Variants in ABCA4 observed in about 807,000 individuals in gnomAD.
The protein encoded by ABCA4 is retinal-specific phospholipid-transporting ATPase ABCA4.
Under a neutral mutation model 263.7 loss-of-function variants are expected in ABCA4, and 196 were observed. The observed-to-expected ratio is 0.74, with a 90% CI of 0.66 to 0.84. ABCA4 has a LOEUF of 0.84. Ranked by LOEUF, ABCA4 falls within the 40% of genes least tolerant of loss-of-function variation. ABCA4 has a pLI of 0.00. For missense variants in ABCA4, 2,792 were observed against 2,855.1 expected (o/e 0.98, Z 0.50); for synonymous variants, 1,133 against 1,094.2 (o/e 1.04, Z -0.70).
chr1:94,019,033 T>G (rs922575096), intron 36 of ABCA4, among the ~76,000 whole-genome samples: 11 of 146,774 alleles, frequency 7.5e-5, no homozygotes, highest in Admixed American at 1.4e-4. Flanking sequence ...TTTTTTTTTT[T>G]TTTTTTTTTT....
chr1:94,078,439 C>T (rs1661594790), intron 10 of ABCA4, 151 bp downstream of exon 10: 1 of 651,740 alleles, frequency 1.5e-6, no homozygotes, highest in Non-Finnish European at 2.7e-6. Context: ...TTGGTGACTG[C>T]TTGGAATGAA....
rs1453981156 is a variant in ABCA4 at position 94,078,687 on chromosome 1, T to C, written c.1259A>G (p.Glu420Gly). 1 of 1,613,774 alleles carries C rather than the reference T, an allele frequency of 6.2e-7. No homozygotes were observed. Among genetic ancestry groups the C allele is most frequent in the Non-Finnish European group, 8.5e-7 (1 of 1,179,774 alleles). Reference protein sequence around the residue: ...ILKNANSTFEELEHVRKLVKA... With the variant: ...ILKNANSTFEGLEHVRKLVKA... Reference sequence around the variant, plus strand: ...GACCAACTTCCTAACGTGTTCCAGTTCTTCAAAAGTTGAGTTGGCCTAAAA... The same window carrying C: ...GACCAACTTCCTAACGTGTTCCAGTCCTTCAAAAGTTGAGTTGGCCTAAAA... The change falls in exon 10 of 50, where the codon GAA (glutamate) becomes GGA (glycine). Residue 420 changes from glutamate (E) to glycine (G), a missense_variant. Coordinates refer to ENST00000370225, the MANE Select transcript of ABCA4 (RefSeq NM_000350.3).
intron 1 of ABCA4, among the ~76,000 whole-genome samples, chr1:94,115,969 G>T (rs1465441950): frequency 6.6e-6 from 1 of 152,118 alleles, no homozygotes; most frequent in Non-Finnish European, 1.5e-5. Flanking sequence ...TCAGGGAGGG[G>T]ACCAGCCAGC....
chr1:94,080,552 T>C lies in ABCA4; in HGVS notation c.1025A>G (p.Asp342Gly). Reference sequence around the variant, plus strand: ...CCCCAGAAAGGCCTTATAGTTATTGTCTTCATACCAGTTGAAGGAGAGCAC... The same window carrying C: ...CCCCAGAAAGGCCTTATAGTTATTGCCTTCATACCAGTTGAAGGAGAGCAC... ...SRVLSFNWYE[D>G]NNYKAFLGID... is the part of the protein sequence containing the mutation. The change falls in exon 8 of 50, where the codon GAC becomes GGC. Residue 342 changes from aspartate (D) to glycine (G), a missense_variant. Coordinates refer to ENST00000370225, the MANE Select transcript of ABCA4 (RefSeq NM_000350.3). The C allele has an allele frequency of 6.2e-7, 1 of 1,614,158 alleles. No individual in the cohort carries two copies. Among genetic ancestry groups the C allele is most frequent in the Non-Finnish European group, 8.5e-7 (1 of 1,180,014 alleles).
chr1:94,019,482 C>A, intron 36 of ABCA4, 100 bp downstream of exon 36: 2 of 1,368,654 alleles, frequency 1.5e-6, no homozygotes, highest in South Asian at 2.8e-5. Flanking sequence ...AGCCCTGGCA[C>A]CGTGAGAACC....
chr1:94,011,448 G>A, intron 38 of ABCA4, 63 bp from the exon 39 acceptor site: 1 of 1,610,252 alleles, frequency 6.2e-7, no homozygotes, highest in Non-Finnish European at 8.5e-7. Context: ...TCTTCAGCAG[G>A]TGGGGCCCAG....
intron 5 of ABCA4, among the ~76,000 whole-genome samples, chr1:94,100,824 T>G (rs1662266590): frequency 6.6e-6 from 1 of 152,174 alleles, no homozygotes; most frequent in Admixed American, 6.5e-5. Context: ...GCTCCCATGT[T>G]GGACAGCGCC....
At chr1:94,030,818 C>G (rs1003085859) in intron 28 of ABCA4, among the ~76,000 whole-genome samples, 178 bp downstream of exon 28, 2 of 152,136 alleles carry the variant, frequency 1.3e-5, no homozygotes, top group Non-Finnish European at 2.9e-5. Flanking sequence ...CCACTAGGAT[C>G]GCCTTTCCAA....
chr1:93,997,885 T>C lies in ABCA4; in HGVS notation c.6705A>G (p.Ser2235=), dbSNP rs768319720. The change falls in exon 48 of 50, where the codon TCA becomes TCG. Residue 2235 remains serine, a synonymous_variant. Transcript: ENST00000370225. ...HKDSLLIEEY[S]VTQTTLDQVF... The stretch of plus-strand genomic sequence containing the variant: ...CCTGGTCCAGTGTGGTCTGTGTGAC[T>C]GAGTACTCCTCGATGAGCAGGCTGT... The C allele has an allele frequency of 6.2e-7, 1 of 1,614,110 alleles. No homozygotes were observed. The highest frequency in any genetic ancestry group is 1.1e-5 in the South Asian group (1 of 91,070).
At chr1:94,008,053 A>G (rs1163291349) in intron 42 of ABCA4, among the ~76,000 whole-genome samples, 182 bp downstream of exon 42, 1 of 152,198 alleles carries the variant, frequency 6.6e-6, no homozygotes, top group Non-Finnish European at 1.5e-5. Flanking sequence ...ATACTAATGA[A>G]ATTAATTTTA....
At position 94,037,285 on chromosome 1, in the gene ABCA4, T is replaced by G. The variant is rs1247681526; in HGVS notation, c.3673A>C (p.Ile1225Leu). 1.9e-6 allele frequency: 3 copies of G among 1,614,220 alleles called. No individual in the cohort carries two copies. Among genetic ancestry groups the G allele is most frequent in the Non-Finnish European group, 2.5e-6 (3 of 1,180,046 alleles). ...AGAAGGAAGATAAGTTCTTGACCAATGCACTCCACCAGCTTTGCCTCTGGA... is the reference window on the plus strand; with the variant it reads ...AGAAGGAAGATAAGTTCTTGACCAAGGCACTCCACCAGCTTTGCCTCTGGA... ...HVPEAKLVEC[I>L]GQELIFLLPN... The change falls in exon 25 of 50, where the codon ATT becomes CTT. Residue 1225 changes from isoleucine to leucine, a missense_variant. Transcript: ENST00000370225.
intron 11 of ABCA4, among the ~76,000 whole-genome samples, chr1:94,068,475 T>A (rs943769891): frequency 3.3e-5 from 5 of 152,222 alleles, no homozygotes; most frequent in African/African-American, 1.2e-4. Context: ...CTTGCTTTGA[T>A]CCCTGAAATC....
At chr1:94,083,894 C>A (rs1033079177) in intron 6 of ABCA4, among the ~76,000 whole-genome samples, 2 of 152,210 alleles carry the variant, frequency 1.3e-5, no homozygotes, top group African/African-American at 4.8e-5. Context: ...CATTTTCAGA[C>A]AGGTTGTGTC....
At chr1:94,077,957 C>T (rs953026757) in intron 10 of ABCA4, 70 bp from the exon 11 acceptor site, 17 of 1,487,288 alleles carry the variant, frequency 1.1e-5, no homozygotes, top group Non-Finnish European at 1.4e-5. Context: ...TGTTCTTCAG[C>T]CATTTCTAAT....
intron 8 of ABCA4, 88 bp downstream of exon 8, chr1:94,080,389 AC>A: frequency 1.9e-6 from 3 of 1,566,356 alleles, no homozygotes; most frequent in Non-Finnish European, 2.6e-6. Flanking sequence ...GACAGATGCA[AC>A]CCCAGGTTTG....
intron 11 of ABCA4, among the ~76,000 whole-genome samples, chr1:94,075,908 G>A (rs1661526530): frequency 6.6e-6 from 1 of 152,206 alleles, no homozygotes; most frequent in Admixed American, 6.5e-5. Context: ...AATCTATCTG[G>A]GAGAGGGGTC....
chr1:94,004,463 C>T (rs555657103), intron 44 of ABCA4, among the ~76,000 whole-genome samples: 127 of 152,246 alleles, frequency 8.3e-4, no homozygotes, highest in African/African-American at 2.9e-3. Flanking sequence ...AAAAAGAACT[C>T]AGAAATTATT....
chr1:94,047,186 C>G (rs905505416), intron 18 of ABCA4, 93 bp from the exon 19 acceptor site: 4 of 1,389,534 alleles, frequency 2.9e-6, no homozygotes, highest in Middle Eastern at 1.8e-4. Context: ...CTGCCTATAA[C>G]GTCACCTGCC....
At chr1:94,111,971 AC>A (rs1662618809) in intron 2 of ABCA4, among the ~76,000 whole-genome samples, 1 of 152,162 alleles carries the variant, frequency 6.6e-6, no homozygotes, top group Admixed American at 6.5e-5. Context: ...CTGAGCACCT[AC>A]CCCAAGCATG....
Sources: gnomAD v4.1 joint callset for allele counts (sites outside exome capture counted in the v4.1 genomes callset) on GRCh38, gnomAD v4.1.1 for gene constraint, MANE v1.5 for transcripts, NCBI Gene and HGNC (gene_info 2026-07-23, HGNC 2026-07-21) for gene names.